RETREG1: variants seen among roughly 807,000 people sequenced by gnomAD.
RETREG1 encodes reticulophagy regulator 1, also known as family with sequence similarity 134 member B.
RETREG1 carries 44 observed loss-of-function variants against 54.8 expected under a neutral mutation model. That is an observed-to-expected ratio of 0.80 (90% CI 0.63 to 1.03). The LOEUF is 1.03. Among genes scored for constraint, RETREG1 ranks in the 50% least tolerant of loss-of-function variants. The pLI is 0.00. For synonymous variants in RETREG1, 217 were observed against 238.5 expected, an observed-to-expected ratio of 0.91 and a Z score of 0.83; for missense variants, 554 against 605.1, an observed-to-expected ratio of 0.92 and a Z score of 0.89.
chr5:16,511,784 G>C (rs1358797726), intron 3 of RETREG1, among the ~76,000 whole-genome samples: 1 of 152,140 alleles, frequency 6.6e-6, no homozygotes, highest in Non-Finnish European at 1.5e-5. Context: ...AGGAAACTTA[G>C]AATCATGGTG....
chr5:16,519,879 G>A (rs540773753), intron 3 of RETREG1, among the ~76,000 whole-genome samples: 89 of 152,300 alleles, frequency 5.8e-4, no homozygotes, highest in African/African-American at 2.0e-3. Flanking sequence ...TCATTTGTTT[G>A]TTATGGTCTC....
intron 1 of RETREG1, among the ~76,000 whole-genome samples, chr5:16,599,729 T>C (rs763130816): frequency 3.3e-5 from 5 of 152,166 alleles, no homozygotes; most frequent in Non-Finnish European, 7.3e-5. Context: ...ACACTGAACA[T>C]GCATATCTTT....
At chr5:16,511,863 G>A (rs568765972) in intron 3 of RETREG1, among the ~76,000 whole-genome samples, 60 of 152,036 alleles carry the variant, frequency 3.9e-4, no homozygotes, top group African/African-American at 1.3e-3. Flanking sequence ...AAGGGGGGAT[G>A]GTGGTAACCA....
intron 3 of RETREG1, among the ~76,000 whole-genome samples, chr5:16,551,602 C>T (rs188505690): frequency 1.1e-4 from 16 of 152,270 alleles, no homozygotes; most frequent in Admixed American, 3.9e-4. Context: ...TCAGGATAAG[C>T]TCTCCCACAA....
chr5:16,490,504 A>T (rs757056757), intron 3 of RETREG1, among the ~76,000 whole-genome samples: 9 of 152,226 alleles, frequency 5.9e-5, no homozygotes, highest in Non-Finnish European at 1.2e-4. Context: ...TACAGGCACC[A>T]TAAAAAAGAA....
intron 3 of RETREG1, among the ~76,000 whole-genome samples, chr5:16,505,752 A>G (rs1739928325): frequency 6.6e-6 from 1 of 152,164 alleles, no homozygotes; most frequent in Admixed American, 6.5e-5. Flanking sequence ...CCAAGGAACC[A>G]CTGCAGAGCC....
chr5:16,616,432 C>T, intron 1 of RETREG1: 1 of 811,000 alleles, frequency 1.2e-6, no homozygotes, highest in Non-Finnish European at 1.8e-6. Context: ...AGGCTGGATC[C>T]GCACACGGAG....
intron 1 of RETREG1, among the ~76,000 whole-genome samples, chr5:16,607,549 G>A (rs917399524): frequency 6.6e-6 from 1 of 152,018 alleles, no homozygotes; most frequent in Non-Finnish European, 1.5e-5. Context: ...AGGAGGCGGA[G>A]ACTGCAGTGA....
chr5:16,554,866 C>T (rs1741662214), intron 3 of RETREG1, among the ~76,000 whole-genome samples: 1 of 152,162 alleles, frequency 6.6e-6, no homozygotes, highest in African/African-American at 2.4e-5. Context: ...CACACAAGCC[C>T]GGGCCTTGGG....
At position 16,475,088 on chromosome 5, in the gene RETREG1, C is replaced by A. The variant is rs1174866772; in HGVS notation, c.1147G>T (p.Gly383Cys). ...TGCGTCTCTTTGCTTGGTCTGTGAC[C>A]ACTGTCCAACTGTTCCTTCTTTCTC... Reference protein sequence around the residue: ...LKRKKEQLDSGHRPSKETQSA... With the variant: ...LKRKKEQLDSCHRPSKETQSA... The change falls in exon 9 of 9, where the codon GGT becomes TGT. Residue 383 changes from glycine (G) to cysteine (C), a missense_variant. Coordinates refer to ENST00000306320, the MANE Select transcript of RETREG1 (RefSeq NM_001034850.3). The A allele has an allele frequency of 2.5e-6, 4 of 1,613,828 alleles. No individual in the cohort carries two copies. The highest frequency in any genetic ancestry group is 3.4e-6 in the Non-Finnish European group (4 of 1,179,932).
intron 1 of RETREG1, among the ~76,000 whole-genome samples, chr5:16,599,591 C>T (rs986312731): frequency 6.6e-6 from 1 of 152,108 alleles, no homozygotes; most frequent in African/African-American, 2.4e-5. Flanking sequence ...TAAAGTTTTA[C>T]CCATTCAATT....
chr5:16,527,845 C>G (rs1300154237), intron 3 of RETREG1, among the ~76,000 whole-genome samples: 7 of 103,684 alleles, frequency 6.8e-5, no homozygotes, highest in African/African-American at 2.5e-4. Flanking sequence ...AGTCTCGCTC[C>G]GTCGCCCAGA....
chr5:16,611,752 C>G (rs185670826), intron 1 of RETREG1, among the ~76,000 whole-genome samples: 1 of 152,320 alleles, frequency 6.6e-6, no homozygotes, highest in East Asian at 1.9e-4. Flanking sequence ...ATAACTGATA[C>G]ACACAGCAGA....
chr5:16,538,648 AG>A (rs1741147170), intron 3 of RETREG1, among the ~76,000 whole-genome samples: 1 of 152,008 alleles, frequency 6.6e-6, no homozygotes, highest in African/African-American at 2.4e-5. Context: ...GTACCTTTCC[AG>A]TGGGGTCACA....
At chr5:16,586,789 G>T in intron 1 of RETREG1, among the ~76,000 whole-genome samples, 1 of 152,160 alleles carries the variant, frequency 6.6e-6, no homozygotes, top group East Asian at 1.9e-4. Context: ...AAATACCACA[G>T]GCAGGGTGGC....
At chr5:16,526,168 C>CCATTGCTGTGG (rs1740711282) in intron 3 of RETREG1, among the ~76,000 whole-genome samples, 1 of 152,208 alleles carries the variant, frequency 6.6e-6, no homozygotes, top group Non-Finnish European at 1.5e-5. Flanking sequence ...CCATGGAGGG[C>CCATTGCTGTGG]CATTGCTGTG....
intron 3 of RETREG1, among the ~76,000 whole-genome samples, chr5:16,543,497 G>A (rs966904148): frequency 1.3e-5 from 2 of 151,988 alleles, no homozygotes; most frequent in East Asian, 3.9e-4. Context: ...CCAACATGAT[G>A]AAACCCTATC....
At chr5:16,476,925 A>G (rs1285088426) in intron 8 of RETREG1, among the ~76,000 whole-genome samples, 2 of 152,184 alleles carry the variant, frequency 1.3e-5, no homozygotes, top group African/African-American at 4.8e-5. Flanking sequence ...AAAAAAAATA[A>G]AAATAAAAAG....
At chr5:16,477,070 C>T (rs1738569563) in intron 8 of RETREG1, among the ~76,000 whole-genome samples, 1 of 152,042 alleles carries the variant, frequency 6.6e-6, no homozygotes, top group African/African-American at 2.4e-5. Flanking sequence ...TCTTTCTCTC[C>T]CACATTATCG....
Sources: allele counts gnomAD v4.1 joint callset (sites outside exome capture counted in the v4.1 genomes callset), GRCh38; gene constraint gnomAD v4.1.1; transcripts MANE v1.5; gene names NCBI Gene and HGNC (gene_info 2026-07-23, HGNC 2026-07-21).